AGBL4: variants seen among roughly 807,000 people sequenced by gnomAD.
AGBL4 encodes AGBL carboxypeptidase 4, also known as cytosolic carboxypeptidase 6.
Under a neutral mutation model 66.4 loss-of-function variants are expected in AGBL4, and 58 were observed. The observed-to-expected ratio is 0.87, with a 90% CI of 0.71 to 1.09. The LOEUF is 1.09. AGBL4 is among the 50% of genes least tolerant of loss of function. The pLI, the probability that AGBL4 is intolerant of heterozygous loss-of-function variation, is 0.00. For synonymous variants in AGBL4, 234 were observed against 222.9 expected (o/e 1.05, Z -0.44); for missense variants, 579 against 631.0 (o/e 0.92, Z 0.88).
chr1:49,197,654 G>A (rs2148221936), intron 4 of AGBL4, among the ~76,000 whole-genome samples: 1 of 152,246 alleles, frequency 6.6e-6, no homozygotes, highest in Non-Finnish European at 1.5e-5. Context: ...CACCTGTCCT[G>A]ACCAAGGGAG....
intron 2 of AGBL4, among the ~76,000 whole-genome samples, chr1:49,758,941 C>T (rs1192136891): frequency 1.3e-5 from 2 of 152,136 alleles, no homozygotes; most frequent in East Asian, 1.9e-4. Flanking sequence ...GTAATCTGAA[C>T]TGTAATCCCC....
At chr1:49,609,345 A>T (rs1338211182) in intron 3 of AGBL4, among the ~76,000 whole-genome samples, 1 of 152,202 alleles carries the variant, frequency 6.6e-6, no homozygotes, top group Non-Finnish European at 1.5e-5. Context: ...ACAAATAATT[A>T]AGAGAGATTA....
intron 3 of AGBL4, among the ~76,000 whole-genome samples, chr1:49,564,316 C>T (rs181277567): frequency 1.2e-4 from 19 of 152,186 alleles, no homozygotes; most frequent in Non-Finnish European, 2.6e-4. Flanking sequence ...TTCAGTTCTG[C>T]TCTGATTTTA....
intron 1 of AGBL4, chr1:49,866,012 G>T: frequency 3.4e-6 from 1 of 297,392 alleles, no homozygotes; most frequent in South Asian, 3.1e-5. Context: ...GAATTTCAGA[G>T]CTTCAAGACT....
chr1:49,461,839 C>T (rs959566274), intron 3 of AGBL4, among the ~76,000 whole-genome samples: 6 of 151,598 alleles, frequency 4.0e-5, no homozygotes, highest in South Asian at 2.1e-4. Flanking sequence ...ATTATGTATA[C>T]GTGTCACATT....
intron 6 of AGBL4, among the ~76,000 whole-genome samples, chr1:48,799,547 G>T (rs1000177684): frequency 1.3e-5 from 2 of 152,166 alleles, no homozygotes; most frequent in African/African-American, 4.8e-5. Flanking sequence ...TAGAAGCAGT[G>T]AAAGTGGGTA....
intron 3 of AGBL4, among the ~76,000 whole-genome samples, chr1:49,318,818 T>C (rs1044733697): frequency 2.0e-5 from 3 of 152,154 alleles, no homozygotes; most frequent in Non-Finnish European, 4.4e-5. Context: ...GCTGTGTTTA[T>C]GAGCCATTTA....
chr1:49,891,265 A>G (rs1235864460), intron 1 of AGBL4, among the ~76,000 whole-genome samples: 1 of 152,202 alleles, frequency 6.6e-6, no homozygotes, highest in African/African-American at 2.4e-5. Context: ...ATGGAAAAAA[A>G]TAAGTGAGCA....
chr1:48,593,057 G>A (rs943944843), intron 9 of AGBL4, among the ~76,000 whole-genome samples: 1 of 152,056 alleles, frequency 6.6e-6, no homozygotes, highest in Non-Finnish European at 1.5e-5. Flanking sequence ...AAAGTCAAAT[G>A]ATATAAAATA....
At chr1:49,883,367 T>C (rs1647632859) in intron 1 of AGBL4, among the ~76,000 whole-genome samples, 2 of 152,092 alleles carry the variant, frequency 1.3e-5, no homozygotes, top group South Asian at 4.1e-4. Flanking sequence ...TGGGAAGTCA[T>C]ATCTGACTTC....
intron 5 of AGBL4, among the ~76,000 whole-genome samples, chr1:48,957,072 CATGTTTTAACCCA>C (rs1657511706): frequency 6.6e-6 from 1 of 152,172 alleles, no homozygotes; most frequent in Non-Finnish European, 1.5e-5. Flanking sequence ...TTTAAACTCC[CATGTTTTAACCCA>C]ACCCTTCTTT....
chr1:48,916,783 G>T (rs1190358326), intron 5 of AGBL4, among the ~76,000 whole-genome samples: 1 of 152,156 alleles, frequency 6.6e-6, no homozygotes, highest in Non-Finnish European at 1.5e-5. Flanking sequence ...TTGGGAAGGG[G>T]TCGTTTTTCT....
At chr1:49,820,983 A>T (rs1010975447) in intron 2 of AGBL4, among the ~76,000 whole-genome samples, 1 of 152,218 alleles carries the variant, frequency 6.6e-6, no homozygotes, top group Non-Finnish European at 1.5e-5. Context: ...AATAGATGTG[A>T]AAACACTTTG....
intron 3 of AGBL4, among the ~76,000 whole-genome samples, chr1:49,664,394 C>T (rs1338128289): frequency 6.6e-6 from 1 of 151,914 alleles, no homozygotes; most frequent in African/African-American, 2.4e-5. Flanking sequence ...TTGAATAGAA[C>T]ACATATACAT....
At chr1:49,052,754 T>C (rs541454608) in intron 4 of AGBL4, among the ~76,000 whole-genome samples, 1 of 152,294 alleles carries the variant, frequency 6.6e-6, no homozygotes, top group African/African-American at 2.4e-5. Flanking sequence ...GATCCCCTTG[T>C]CACCTTGCAT....
chr1:48,697,255 G>C (rs747929263), intron 6 of AGBL4, among the ~76,000 whole-genome samples: 5 of 152,164 alleles, frequency 3.3e-5, no homozygotes. Context: ...GGTTCATTAG[G>C]AGAGGAAGGA....
At chr1:49,417,104 T>G (rs751590387) in intron 3 of AGBL4, among the ~76,000 whole-genome samples, 14 of 151,930 alleles carry the variant, frequency 9.2e-5, no homozygotes, top group Non-Finnish European at 1.9e-4. Flanking sequence ...TAAATTAAAG[T>G]CTCAGGTCTA....
intron 4 of AGBL4, among the ~76,000 whole-genome samples, chr1:49,209,939 T>A (rs568923469): frequency 6.6e-6 from 1 of 152,088 alleles, no homozygotes; most frequent in African/African-American, 2.4e-5. Flanking sequence ...TCCCAGTGTA[T>A]CACTGCTATA....
chr1:49,499,488 A>C (rs1647926031), intron 3 of AGBL4, among the ~76,000 whole-genome samples: 1 of 151,778 alleles, frequency 6.6e-6, no homozygotes, highest in Non-Finnish European at 1.5e-5. Context: ...GTGGCACCCA[A>C]AGTGAAGTCT....
Sources: allele counts gnomAD v4.1 joint callset (sites outside exome capture counted in the v4.1 genomes callset), GRCh38; gene constraint gnomAD v4.1.1; transcripts MANE v1.5; gene names NCBI Gene and HGNC (gene_info 2026-07-23, HGNC 2026-07-21).